KCNN2: variants seen among roughly 807,000 people sequenced by gnomAD.
KCNN2 encodes small conductance calcium-activated potassium channel protein 2.
In KCNN2, 24 loss-of-function variants were observed where a neutral mutation model predicts 55.5. That is an observed-to-expected ratio of 0.43 (90% CI 0.31 to 0.61). The LOEUF is 0.61. Ranked by LOEUF, KCNN2 falls within the 20% of genes least tolerant of loss-of-function variation. The pLI, the probability that KCNN2 is intolerant of heterozygous loss-of-function variation, is 0.08. For synonymous variants in KCNN2, 431 were observed against 336.1 expected, an observed-to-expected ratio of 1.28 and a Z score of -3.09; for missense variants, 754 against 853.6, an observed-to-expected ratio of 0.88 and a Z score of 1.45.
intron 2 of KCNN2, among the ~76,000 whole-genome samples, chr5:114,294,061 C>A (rs761269485): frequency 3.9e-5 from 6 of 151,962 alleles, no homozygotes. Context: ...TTTTTCATTG[C>A]GTCTATTTGA....
At chr5:114,183,539 A>G (rs1753276834) in intron 1 of KCNN2, among the ~76,000 whole-genome samples, 2 of 152,242 alleles carry the variant, frequency 1.3e-5, no homozygotes, top group Non-Finnish European at 2.9e-5. Flanking sequence ...ATATACAAAT[A>G]GATTCTCTGC....
chr5:114,242,078 T>G (rs184605739), intron 2 of KCNN2, among the ~76,000 whole-genome samples: 1 of 151,478 alleles, frequency 6.6e-6, no homozygotes, highest in African/African-American at 2.4e-5. Context: ...AGGTAACACA[T>G]GCAAACACAG....
intron 3 of KCNN2, among the ~76,000 whole-genome samples, chr5:114,410,404 G>A (rs887033721): frequency 6.6e-6 from 1 of 152,104 alleles, no homozygotes; most frequent in Non-Finnish European, 1.5e-5. Context: ...AAAGAAAGGA[G>A]TTTTGTTTCT....
intron 2 of KCNN2, among the ~76,000 whole-genome samples, chr5:114,267,657 T>C (rs887368011): frequency 2.0e-5 from 3 of 152,172 alleles, no homozygotes; most frequent in Admixed American, 1.3e-4. Flanking sequence ...TGTTTTATTT[T>C]TGAGTCCCCT....
At chr5:114,317,432 G>A (rs1158676856) in intron 2 of KCNN2, among the ~76,000 whole-genome samples, 7 of 152,070 alleles carry the variant, frequency 4.6e-5, no homozygotes, top group African/African-American at 1.7e-4. Context: ...ATCTGAAATC[G>A]CTCATGCCAA....
In KCNN2 at chr5:114,168,291, G is replaced by C. The variant is rs373518987; in HGVS notation, c.-270-53189G>C. Among the ~76,000 whole-genome samples, 28 of 151,906 alleles carry C rather than the reference G, an allele frequency of 1.8e-4. No homozygotes were observed. The South Asian group carries it at 5.8e-3, about 32-fold the overall frequency. On this transcript the variant is annotated intron_variant, in intron 1 of 10. Coordinates refer to the KCNN2 transcript ENST00000512097. ...TTCCATAGGATATTTATCATTCTCT[G>C]TGCTAATACCATGTTTTACTTTAAT...
intron 2 of KCNN2, among the ~76,000 whole-genome samples, chr5:114,370,036 C>G (rs1277594736): frequency 6.6e-6 from 1 of 152,040 alleles, no homozygotes; most frequent in Non-Finnish European, 1.5e-5. Flanking sequence ...AATTTCTACT[C>G]ATTAAGAAAT....
intron 2 of KCNN2, among the ~76,000 whole-genome samples, chr5:114,223,879 C>T (rs771690171): frequency 1.3e-5 from 2 of 152,066 alleles, no homozygotes; most frequent in African/African-American, 4.8e-5. Flanking sequence ...AAGGGGGCCC[C>T]ATTTGGCAGC....
At chr5:114,107,663 T>G (rs1275101638) in intron 1 of KCNN2, among the ~76,000 whole-genome samples, 3 of 152,046 alleles carry the variant, frequency 2.0e-5, no homozygotes, top group African/African-American at 4.8e-5. Context: ...CCCAAAGTGT[T>G]GGCATTATAG....
chr5:114,409,523 A>G (rs1218719798), intron 3 of KCNN2, among the ~76,000 whole-genome samples: 1 of 152,112 alleles, frequency 6.6e-6, no homozygotes, highest in African/African-American at 2.4e-5. Flanking sequence ...TACCAGTTCC[A>G]TCTTTGGTCC....
intron 2 of KCNN2, among the ~76,000 whole-genome samples, chr5:114,314,533 T>A (rs1756461849): frequency 6.6e-6 from 1 of 152,146 alleles, no homozygotes; most frequent in Non-Finnish European, 1.5e-5. Context: ...TCTCTATATT[T>A]TTGCCATTTC....
chr5:114,369,349 A>G (rs991230041), intron 2 of KCNN2, among the ~76,000 whole-genome samples: 2 of 152,292 alleles, frequency 1.3e-5, no homozygotes, highest in East Asian at 3.9e-4. Flanking sequence ...TCTGCCAGCA[A>G]ATGGAGTTAT....
chr5:114,134,238 T>C (rs1047695514), intron 1 of KCNN2, among the ~76,000 whole-genome samples: 3 of 151,192 alleles, frequency 2.0e-5, no homozygotes, highest in Non-Finnish European at 2.9e-5. Context: ...CCATCTAGTA[T>C]AGCAGGAATT....
chr5:114,187,596 C>G (rs1402684905), intron 1 of KCNN2, among the ~76,000 whole-genome samples: 1 of 150,194 alleles, frequency 6.7e-6, no homozygotes, highest in African/African-American at 2.5e-5. Flanking sequence ...AGCTCCGCCT[C>G]CCGGGTTCAA....
At chr5:114,341,878 C>A (rs2150036734) in intron 2 of KCNN2, among the ~76,000 whole-genome samples, 1 of 151,144 alleles carries the variant, frequency 6.6e-6, no homozygotes, top group South Asian at 2.1e-4. Flanking sequence ...GAGCATAAAA[C>A]AGACACTAGA....
At chr5:114,395,628 A>G (rs1214177282) in intron 2 of KCNN2, among the ~76,000 whole-genome samples, 2 of 152,232 alleles carry the variant, frequency 1.3e-5, no homozygotes, top group Non-Finnish European at 2.9e-5. Flanking sequence ...TTAGATTTTC[A>G]TACTTGACAA....
At chr5:114,320,591 G>A (rs1756596384) in intron 2 of KCNN2, among the ~76,000 whole-genome samples, 1 of 151,298 alleles carries the variant, frequency 6.6e-6, no homozygotes, top group Non-Finnish European at 1.5e-5. Flanking sequence ...TCCAGCCTGG[G>A]TGACACAGCG....
intron 1 of KCNN2, among the ~76,000 whole-genome samples, chr5:114,164,491 AT>A (rs1431562776): frequency 1.3e-5 from 2 of 152,166 alleles, no homozygotes; most frequent in Non-Finnish European, 2.9e-5. Flanking sequence ...TTGGAAACTA[AT>A]TTTGGACAGC....
chr5:114,144,095 C>G (rs1752346799), intron 1 of KCNN2, among the ~76,000 whole-genome samples: 1 of 152,168 alleles, frequency 6.6e-6, no homozygotes, highest in African/African-American at 2.4e-5. Flanking sequence ...CCTCAAAAAT[C>G]TGTTCTTTTA....
Sources: allele counts gnomAD v4.1 joint callset (sites outside exome capture counted in the v4.1 genomes callset), GRCh38; gene constraint gnomAD v4.1.1; transcripts MANE v1.5; gene names NCBI Gene and HGNC (gene_info 2026-07-23, HGNC 2026-07-21).